Variants in SLC25A48 observed in about 807,000 individuals in gnomAD.
The protein encoded by SLC25A48 is CTC-321K16.1.
In SLC25A48, 29 loss-of-function variants were observed where a neutral mutation model predicts 32.2. The observed-to-expected ratio is 0.90, with a 90% CI of 0.67 to 1.23. The LOEUF is 1.23. Ranked by LOEUF, SLC25A48 falls within the 50% of genes most tolerant of loss-of-function variation. SLC25A48 has a pLI of 0.00. For missense variants in SLC25A48, 399 were observed against 422.7 expected (o/e 0.94, Z 0.49); for synonymous variants, 164 against 172.3 (o/e 0.95, Z 0.38).
chr5:135,801,727 C>T (rs989621027), intron 3 of SLC25A48, among the ~76,000 whole-genome samples: 2 of 151,468 alleles, frequency 1.3e-5, no homozygotes, highest in African/African-American at 2.4e-5. Context: ...GATATTACAT[C>T]CAATATCACA....
chr5:135,722,655 G>A lies in SLC25A48; in HGVS notation c.-521+87699G>A, dbSNP rs1164625380. The stretch of plus-strand genomic sequence containing the variant: ...AATTACTAATGGTGCTTTCTTTACA[G>A]TATTATGAGGGTTGAATTGAATAAC... On this transcript the variant is annotated intron_variant, in intron 3 of 10. Coordinates refer to the SLC25A48 transcript ENST00000646290. 2.6e-5 allele frequency among the ~76,000 whole-genome samples: 4 copies of A among 152,204 alleles called. No homozygotes were observed. In the East Asian group the frequency reaches 7.7e-4, roughly 29 times the overall value.
chr5:135,711,884 T>TC (rs146384263), intron 3 of SLC25A48, among the ~76,000 whole-genome samples: 7,968 of 152,022 alleles, frequency 0.052, 327 homozygotes, highest in African/African-American at 0.12. Flanking sequence ...CAGAACTTTT[T>TC]CACCTGGACT....
At chr5:135,632,008 C>T (rs1420483044) in intron 2 of SLC25A48, among the ~76,000 whole-genome samples, 2 of 152,178 alleles carry the variant, frequency 1.3e-5, no homozygotes, top group African/African-American at 4.8e-5. Flanking sequence ...TTCTTCAGAG[C>T]CCCTCTACCT....
chr5:135,808,634 G>A (rs150526433), intron 3 of SLC25A48, among the ~76,000 whole-genome samples: 24 of 152,246 alleles, frequency 1.6e-4, no homozygotes, highest in African/African-American at 5.5e-4. Flanking sequence ...GAGAGGACCA[G>A]AGCCCGCTTG....
intron 3 of SLC25A48, among the ~76,000 whole-genome samples, chr5:135,800,474 T>A (rs1308741987): frequency 2.0e-5 from 3 of 151,818 alleles, no homozygotes; most frequent in Non-Finnish European, 4.4e-5. Context: ...TTGTTCCTAA[T>A]ATGCAGGGGA....
intron 3 of SLC25A48, among the ~76,000 whole-genome samples, chr5:135,773,652 AC>A (rs1346927514): frequency 6.6e-6 from 1 of 151,410 alleles, no homozygotes; most frequent in Admixed American, 6.6e-5. Context: ...GAATGTGTAC[AC>A]CCCCTTTGAG....
At chr5:135,721,129 C>A (rs1685671350) in intron 3 of SLC25A48, among the ~76,000 whole-genome samples, 1 of 149,728 alleles carries the variant, frequency 6.7e-6, no homozygotes, top group Non-Finnish European at 1.5e-5. Context: ...GCAACCTCTG[C>A]CTCCTGGGTT....
intron 3 of SLC25A48, among the ~76,000 whole-genome samples, chr5:135,644,129 A>T (rs1752904105): frequency 6.6e-6 from 1 of 152,178 alleles, no homozygotes; most frequent in African/African-American, 2.4e-5. Context: ...TTTGGAGAAG[A>T]TGATTCATGA....
intron 4 of SLC25A48, among the ~76,000 whole-genome samples, chr5:135,860,374 A>G (rs1760680670): frequency 6.6e-6 from 1 of 152,206 alleles, no homozygotes; most frequent in African/African-American, 2.4e-5. Flanking sequence ...GCTATTAGAA[A>G]AGCAGTAGTT....
At chr5:135,837,837 T>C (rs903074804) in intron 1 of SLC25A48, among the ~76,000 whole-genome samples, 2 of 152,236 alleles carry the variant, frequency 1.3e-5, no homozygotes, top group African/African-American at 4.8e-5. Flanking sequence ...GTCTCAGTAA[T>C]GTCTTTATTA....
At chr5:135,818,056 TCTCTCTCTCTCTCTC>T (rs1757774997) in intron 4 of SLC25A48, among the ~76,000 whole-genome samples, 1 of 4,466 alleles carries the variant, frequency 2.2e-4, no homozygotes, top group Non-Finnish European at 1.0e-3. Flanking sequence ...TCTCTGTTCC[TCTCTCTCTCTCTCTC>T]TCTCTCTCTC....
intron 1 of SLC25A48, among the ~76,000 whole-genome samples, chr5:135,620,521 A>G (rs1349820328): frequency 6.6e-6 from 1 of 152,110 alleles, no homozygotes; most frequent in Non-Finnish European, 1.5e-5. Context: ...GGAAGCTTTC[A>G]TAGGGGGTTG....
At chr5:135,644,145 A>C (rs1323181244) in intron 3 of SLC25A48, among the ~76,000 whole-genome samples, 3 of 152,166 alleles carry the variant, frequency 2.0e-5, no homozygotes, top group Non-Finnish European at 2.9e-5. Flanking sequence ...CATGAGACAG[A>C]CTTTGAAAGA....
At chr5:135,664,984 T>C (rs1753487116) in intron 3 of SLC25A48, among the ~76,000 whole-genome samples, 1 of 152,216 alleles carries the variant, frequency 6.6e-6, no homozygotes, top group African/African-American at 2.4e-5. Flanking sequence ...CTTTAAATTC[T>C]TTAACCAATC....
chr5:135,794,588 C>T (rs919753346), intron 3 of SLC25A48, among the ~76,000 whole-genome samples: 2 of 151,588 alleles, frequency 1.3e-5, no homozygotes, highest in Non-Finnish European at 2.9e-5. Context: ...GTACACTCCC[C>T]ATGTGAAATT....
chr5:135,603,880 G>A (rs1049040722), intron 1 of SLC25A48, among the ~76,000 whole-genome samples: 5 of 152,164 alleles, frequency 3.3e-5, no homozygotes, highest in Admixed American at 2.0e-4. Flanking sequence ...GGAGGTGGAG[G>A]GTGGTGAGGT....
intron 1 of SLC25A48, among the ~76,000 whole-genome samples, chr5:135,611,330 C>G (rs950108117): frequency 6.6e-6 from 1 of 150,744 alleles, no homozygotes; most frequent in Non-Finnish European, 1.5e-5. Context: ...GCCAACATGG[C>G]GAAACCTTGT....
chr5:135,656,783 A>G (rs1009523248), intron 3 of SLC25A48, among the ~76,000 whole-genome samples: 1 of 152,154 alleles, frequency 6.6e-6, no homozygotes, highest in African/African-American at 2.4e-5. Flanking sequence ...ATCCATCTGC[A>G]AGCCAAGGAA....
intron 3 of SLC25A48, among the ~76,000 whole-genome samples, chr5:135,750,176 C>T (rs1047400996): frequency 6.6e-6 from 1 of 152,222 alleles, no homozygotes; most frequent in Non-Finnish European, 1.5e-5. Context: ...AGGGCGTTGA[C>T]CCCTGGGCTA....
Sources: allele counts gnomAD v4.1 joint callset (sites outside exome capture counted in the v4.1 genomes callset), GRCh38; gene constraint gnomAD v4.1.1; transcripts MANE v1.5; gene names NCBI Gene and HGNC (gene_info 2026-07-23, HGNC 2026-07-21).